Variants in RAD51B observed in about 807,000 individuals in gnomAD.
RAD51B encodes the protein RAD51 paralog B, also known as DNA repair protein RAD51 homolog 2.
Under a neutral mutation model 42.2 loss-of-function variants are expected in RAD51B, and 38 were observed. The ratio of observed to expected loss-of-function variants is 0.90; its 90% CI spans 0.70 to 1.18. RAD51B has a LOEUF of 1.18. RAD51B is among the 50% of genes most tolerant of loss of function. The pLI is 0.00. For synonymous variants in RAD51B, 154 were observed against 145.2 expected, an observed-to-expected ratio of 1.06 and a Z score of -0.43; for missense variants, 373 against 400.7, an observed-to-expected ratio of 0.93 and a Z score of 0.59.
chr14:68,499,556 G>A (rs531773949), intron 10 of RAD51B, among the ~76,000 whole-genome samples: 9 of 152,278 alleles, frequency 5.9e-5, no homozygotes, highest in South Asian at 2.1e-4. Context: ...CCCCCAGAAC[G>A]TGTAAATATG....
In RAD51B at chr14:67,847,626, A is replaced by T. The variant is rs542256320; in HGVS notation, c.315+12430A>T. ...TGATATTCATTTTAATTTTTTTGGC[A>T]CTGTGGTCTGATAGTGTGCTTGATG... On this transcript the variant is annotated intron_variant, in intron 4 of 10. Transcript: ENST00000471583. Among the ~76,000 whole-genome samples the T allele has an allele frequency of 3.2e-4, 49 of 151,998 alleles. 1 individual carries two copies. In the South Asian group the frequency reaches 0.01, roughly 32 times the overall value.
At chr14:68,160,009 A>G (rs1424140808) in intron 7 of RAD51B, among the ~76,000 whole-genome samples, 1 of 152,144 alleles carries the variant, frequency 6.6e-6, no homozygotes, top group African/African-American at 2.4e-5. Flanking sequence ...AGGAACTTAC[A>G]ATCAAACGGC....
At chr14:67,827,271 A>G (rs1461538679) in intron 3 of RAD51B, among the ~76,000 whole-genome samples, 3 of 152,224 alleles carry the variant, frequency 2.0e-5, no homozygotes, top group South Asian at 2.1e-4. Context: ...GTCAATATCC[A>G]TGGCATATTT....
downstream of RAD51B, among the ~76,000 whole-genome samples, chr14:68,615,596 C>T (rs1566956018): frequency 6.6e-6 from 1 of 152,018 alleles, no homozygotes; most frequent in Non-Finnish European, 1.5e-5. Flanking sequence ...CTGCCTGCCT[C>T]AGCCTCCCAA....
At chr14:68,614,194 G>T (rs982129551), downstream of RAD51B, among the ~76,000 whole-genome samples, 3 of 152,164 alleles carry the variant, frequency 2.0e-5, no homozygotes, top group African/African-American at 7.2e-5. Flanking sequence ...AAGAACAAAG[G>T]TCCTAAGAGC....
At chr14:68,458,417 T>A (rs550876743) in intron 9 of RAD51B, among the ~76,000 whole-genome samples, 1 of 152,350 alleles carries the variant, frequency 6.6e-6, no homozygotes, top group South Asian at 2.1e-4. Context: ...CTATTTACTA[T>A]TCCATAATTT....
At chr14:68,192,107 A>G (rs1275976834) in intron 7 of RAD51B, among the ~76,000 whole-genome samples, 5 of 152,200 alleles carry the variant, frequency 3.3e-5, no homozygotes, top group African/African-American at 7.2e-5. Context: ...TCTCTCTTCA[A>G]TTCAGGTCAC....
intron 7 of RAD51B, among the ~76,000 whole-genome samples, chr14:68,136,468 C>T (rs61985073): frequency 3.4e-5 from 2 of 59,618 alleles, no homozygotes; most frequent in Admixed American, 2.2e-4. Flanking sequence ...GTCCCAGCTA[C>T]TTGGGAGGCT....
chr14:67,855,184 CA>C (rs1390146422), intron 4 of RAD51B, among the ~76,000 whole-genome samples: 1 of 151,848 alleles, frequency 6.6e-6, no homozygotes, highest in Non-Finnish European at 1.5e-5. Flanking sequence ...AGGCATGAAC[CA>C]CCGCGCCTGG....
Position 67,832,530 on chromosome 14 carries a change from G to A in RAD51B, c.199-2550G>A, listed in dbSNP as rs75601278. 3.0e-3 allele frequency among the ~76,000 whole-genome samples: 459 copies of A among 152,120 alleles called. 2 individuals carry two copies. Among genetic ancestry groups the A allele is most frequent in the Non-Finnish European group, 4.1e-3 (276 of 67,986 alleles). On this transcript the variant is annotated intron_variant, in intron 3 of 10. Coordinates refer to ENST00000471583, the MANE Select transcript of RAD51B (RefSeq NM_133510.4). ...TAGGAAAAAAGCAGCAACAGTTCTT[G>A]TTTGTCCCCTTGCAGTAATATCTGG...
In RAD51B at chr14:68,074,531, C is replaced by T. The variant is rs1182274053; in HGVS notation, c.756+187327C>T. Among the ~76,000 whole-genome samples the T allele has an allele frequency of 5.9e-5, 9 of 152,218 alleles. No individual in the cohort carries two copies. In the South Asian group the frequency reaches 6.2e-4, roughly 11 times the overall value. ...ATTCTGAATTCTACGTCTGTCATTT[C>T]GGCCACTTCCTTCTGGTTAGGAACC... On this transcript the variant is annotated intron_variant, in intron 7 of 10. Transcript: ENST00000471583.
intron 7 of RAD51B, among the ~76,000 whole-genome samples, chr14:68,167,126 T>C (rs890738456): frequency 2.0e-5 from 3 of 152,210 alleles, no homozygotes; most frequent in African/African-American, 7.2e-5. Context: ...TAGTGGTTTC[T>C]TGTGTGCTAT....
chr14:68,197,466 G>T lies in RAD51B; in HGVS notation c.757-94418G>T, dbSNP rs189404706. The stretch of plus-strand genomic sequence containing the variant: ...ATATGTGGGTAATTTTCACTTTAGG[G>T]TTATTATGAATAATGCCATTATGAA... On this transcript the variant is annotated intron_variant, in intron 7 of 10. Coordinates refer to ENST00000471583, the MANE Select transcript of RAD51B (RefSeq NM_133510.4). 3.9e-5 allele frequency among the ~76,000 whole-genome samples: 6 copies of T among 152,160 alleles called. No individual in the cohort carries two copies. The East Asian group carries it at 1.2e-3, about 29-fold the overall frequency.
At chr14:68,290,624 CT>C (rs1414636458) in intron 7 of RAD51B, among the ~76,000 whole-genome samples, 1 of 151,586 alleles carries the variant, frequency 6.6e-6, no homozygotes, top group Non-Finnish European at 1.5e-5. Flanking sequence ...AGACTTTGGA[CT>C]TTTTTTTGTT....
At chr14:68,368,852 G>A (rs145075925) in intron 8 of RAD51B, among the ~76,000 whole-genome samples, 3 of 152,272 alleles carry the variant, frequency 2.0e-5, no homozygotes, top group African/African-American at 7.2e-5. Flanking sequence ...TAATTGGGAG[G>A]GAAAATGAAG....
chr14:68,175,750 G>C (rs1481411337), intron 7 of RAD51B, among the ~76,000 whole-genome samples: 1 of 152,110 alleles, frequency 6.6e-6, no homozygotes, highest in Non-Finnish European at 1.5e-5. Context: ...ACAGAGTACT[G>C]GTAGAAAATG....
intron 8 of RAD51B, among the ~76,000 whole-genome samples, chr14:68,333,070 A>C (rs1956526): frequency 0.53 from 80,911 of 152,026 alleles, 23,495 homozygotes; most frequent in South Asian, 0.68. Flanking sequence ...TAGCTGGTCC[A>C]TGAATAGAAT....
At chr14:68,523,635 C>T (rs890202581) in intron 10 of RAD51B, among the ~76,000 whole-genome samples, 4 of 152,144 alleles carry the variant, frequency 2.6e-5, no homozygotes, top group African/African-American at 9.7e-5. Flanking sequence ...ATCATTTACC[C>T]CCTCAACAGT....
chr14:68,310,828 G>A (rs2081954914), intron 8 of RAD51B, among the ~76,000 whole-genome samples: 1 of 152,128 alleles, frequency 6.6e-6, no homozygotes, highest in Non-Finnish European at 1.5e-5. Flanking sequence ...CTGGGCCACA[G>A]AGCAAGACTC....
Sources: allele counts gnomAD v4.1 joint callset (sites outside exome capture counted in the v4.1 genomes callset), GRCh38; gene constraint gnomAD v4.1.1; transcripts MANE v1.5; gene names NCBI Gene and HGNC (gene_info 2026-07-23, HGNC 2026-07-21).